The following PCDHA11 variants were observed in gnomAD, a reference collection of about 807,000 sequenced individuals.
The protein encoded by PCDHA11 is protocadherin alpha-11.
Under a neutral mutation model 70.3 loss-of-function variants are expected in PCDHA11, and 61 were observed. That is an observed-to-expected ratio of 0.87 (90% CI 0.71 to 1.07). The LOEUF (loss-of-function observed/expected upper bound fraction) is 1.07, where lower values mean the gene tolerates loss of function less well. PCDHA11 is among the 50% of genes least tolerant of loss of function. The probability of loss-of-function intolerance (pLI) is 0.00; values close to 1 mark genes in which losing one functional copy is unlikely to be tolerated. For missense variants in PCDHA11, 1,324 were observed against 1,237.5 expected (o/e 1.07, Z -1.05); for synonymous variants, 633 against 555.1 (o/e 1.14, Z -1.97).
At chr5:140,882,088 T>G (rs1334008975) in intron 1 of PCDHA11, 3 of 1,087,274 alleles carry the variant, frequency 2.8e-6, no homozygotes, top group African/African-American at 1.6e-5. Flanking sequence ...CGCTCTTCAC[T>G]GAGAACGTTT....
intron 1 of PCDHA11, among the ~76,000 whole-genome samples, chr5:140,907,922 G>T (rs1554193181): frequency 6.6e-6 from 1 of 152,174 alleles, no homozygotes; most frequent in Admixed American, 6.5e-5. Context: ...ACTCAGAGAG[G>T]TCCATTCACA....
chr5:140,909,268 A>C (rs946921668), intron 1 of PCDHA11, among the ~76,000 whole-genome samples: 1 of 152,240 alleles, frequency 6.6e-6, no homozygotes. Context: ...ACTGAAGGCA[A>C]ATTGCTTCTG....
chr5:140,978,703 G>C (rs556167285), intron 1 of PCDHA11, among the ~76,000 whole-genome samples: 1 of 152,328 alleles, frequency 6.6e-6, no homozygotes, highest in East Asian at 1.9e-4. Context: ...AGCCAAAGGT[G>C]GCCTTTACAA....
intron 1 of PCDHA11, among the ~76,000 whole-genome samples, chr5:140,962,827 C>T (rs1229108981): frequency 6.6e-6 from 1 of 152,164 alleles, no homozygotes; most frequent in East Asian, 1.9e-4. Flanking sequence ...GACCATTTGT[C>T]TCTTTTTTAT....
intron 1 of PCDHA11, chr5:140,876,573 C>T (rs2056433061): frequency 6.2e-7 from 1 of 1,614,152 alleles, no homozygotes; most frequent in South Asian, 1.1e-5. Context: ...AGGTGGGTAC[C>T]GTCATTGCCC....
At chr5:140,992,486 A>G (rs2097515048) in intron 3 of PCDHA11, among the ~76,000 whole-genome samples, 1 of 152,182 alleles carries the variant, frequency 6.6e-6, no homozygotes, top group Non-Finnish European at 1.5e-5. Flanking sequence ...CCAGAGGCCA[A>G]TCTGTAAGGA....
At chr5:140,949,584 A>T (rs1313706016) in intron 1 of PCDHA11, among the ~76,000 whole-genome samples, 5 of 151,722 alleles carry the variant, frequency 3.3e-5, no homozygotes, top group Admixed American at 6.6e-5. Context: ...CTTTTGTGTG[A>T]TATTAATGTG....
intron 1 of PCDHA11, chr5:140,928,032 T>C (rs369075554): frequency 6.2e-7 from 1 of 1,614,216 alleles, no homozygotes; most frequent in African/African-American, 1.3e-5. Flanking sequence ...GTGGCATGTC[T>C]AGTGCAGGCC....
At chr5:140,940,080 T>C (rs1213223425) in intron 1 of PCDHA11, among the ~76,000 whole-genome samples, 3 of 152,248 alleles carry the variant, frequency 2.0e-5, no homozygotes, top group African/African-American at 7.2e-5. Flanking sequence ...GATATCTTTC[T>C]GCTAAATTGA....
At chr5:140,931,057 T>C (rs1554208231) in intron 1 of PCDHA11, among the ~76,000 whole-genome samples, 1 of 152,196 alleles carries the variant, frequency 6.6e-6, no homozygotes, top group Admixed American at 6.5e-5. Context: ...CAATGCTGTG[T>C]CTGGGACTAA....
In PCDHA11 at chr5:140,870,821, G is replaced by A. The variant is rs782742871; in HGVS notation, c.1718G>A (p.Gly573Glu). The change falls in exon 1 of 4, where the codon GGA becomes GAA. Residue 573 changes from glycine to glutamate, a missense_variant. Transcript: ENST00000398640. The stretch of plus-strand genomic sequence containing the variant: ...CTGGCGACTCAGGCTGGCAGCGCGG[G>A]AGGCGCAGTTAACAAGCTAGTACCG... The part of the protein sequence containing the change: ...ALLATQAGSA[G>E]GAVNKLVPRS... The A allele has an allele frequency of 6.2e-7, 1 of 1,613,736 alleles. No individual in the cohort carries two copies. The highest frequency in any genetic ancestry group is 1.1e-5 in the South Asian group (1 of 91,072).
At chr5:140,873,693 C>T (rs1554166841) in intron 1 of PCDHA11, among the ~76,000 whole-genome samples, 1 of 152,156 alleles carries the variant, frequency 6.6e-6, no homozygotes, top group Non-Finnish European at 1.5e-5. Context: ...TAGAGTCTTG[C>T]TCTATCACCC....
At chr5:140,968,062 G>A in intron 1 of PCDHA11, 2 of 1,614,120 alleles carry the variant, frequency 1.2e-6, no homozygotes, top group Non-Finnish European at 1.7e-6. Flanking sequence ...GAGAGCGGGT[G>A]GCTGTCTACA....
chr5:140,961,672 A>T (rs1463428757), intron 1 of PCDHA11, among the ~76,000 whole-genome samples: 2 of 152,182 alleles, frequency 1.3e-5, no homozygotes, highest in East Asian at 3.8e-4. Flanking sequence ...ACCAGTTTTT[A>T]ATTAAGCCGG....
intron 1 of PCDHA11, among the ~76,000 whole-genome samples, chr5:140,886,751 G>A (rs1156754601): frequency 2.0e-5 from 3 of 151,312 alleles, no homozygotes; most frequent in African/African-American, 7.3e-5. Context: ...GCTTGAACCC[G>A]GGAGGTGGAG....
Position 140,869,722 on chromosome 5 carries a change from G to C in PCDHA11, c.619G>C (p.Glu207Gln). 3.7e-6 allele frequency: 6 copies of C among 1,613,324 alleles called. No individual in the cohort carries two copies. The highest frequency in any genetic ancestry group is 5.1e-6 in the Non-Finnish European group (6 of 1,179,856). Residue 207 changes from glutamate (E) to glutamine (Q), a missense_variant, in exon 1 of 4, where the codon GAA becomes CAA. Transcript: ENST00000398640. ...KKSLDREKTP[E>Q]LNLLLTATDG... is the part of the protein sequence containing the mutation. ...GTCTCTGGATAGAGAGAAAACTCCG[G>C]AACTTAATTTGCTGCTAACAGCTAC...
intron 1 of PCDHA11, among the ~76,000 whole-genome samples, chr5:140,924,668 G>T (rs2081943079): frequency 6.6e-6 from 1 of 152,142 alleles, no homozygotes; most frequent in Non-Finnish European, 1.5e-5. Context: ...GCCGAGGCAG[G>T]CCAATCACTT....
chr5:140,883,453 C>A lies in PCDHA11; in HGVS notation c.2391+11959C>A, dbSNP rs138388360. The stretch of plus-strand genomic sequence containing the variant: ...GCACCTTGACGCCGCATGTCCCCTT[C>A]AAGCTGGTGTCCACCTACAAGAACT... On this transcript the variant is annotated intron_variant, in intron 1 of 3. Transcript: ENST00000398640. 3.2e-5 allele frequency: 51 copies of A among 1,614,168 alleles called. No individual in the cohort carries two copies. In the East Asian group the frequency reaches 1.1e-3, roughly 35 times the overall value.
At chr5:140,892,242 C>A (rs1554185127) in intron 1 of PCDHA11, among the ~76,000 whole-genome samples, 3 of 152,034 alleles carry the variant, frequency 2.0e-5, no homozygotes, top group Non-Finnish European at 4.4e-5. Context: ...TCCACATAAA[C>A]CTGGTTATCT....
Sources: gnomAD v4.1 joint callset for allele counts (sites outside exome capture counted in the v4.1 genomes callset) on GRCh38, gnomAD v4.1.1 for gene constraint, MANE v1.5 for transcripts, NCBI Gene and HGNC (gene_info 2026-07-23, HGNC 2026-07-21) for gene names.